IMMP2L: variants seen among roughly 807,000 people sequenced by gnomAD.
The protein encoded by IMMP2L is mitochondrial inner membrane protease subunit 2.
In IMMP2L, 18 loss-of-function variants were observed where a neutral mutation model predicts 19.3. That is an observed-to-expected ratio of 0.93 (90% CI 0.64 to 1.38). The LOEUF (loss-of-function observed/expected upper bound fraction) is 1.38, where lower values mean the gene tolerates loss of function less well. IMMP2L is among the 40% of genes most tolerant of loss of function. The pLI is 0.00. For synonymous variants in IMMP2L, 76 were observed against 73.0 expected (o/e 1.04, Z -0.21); for missense variants, 233 against 218.2 (o/e 1.07, Z -0.43).
intron 3 of IMMP2L, among the ~76,000 whole-genome samples, chr7:111,028,283 A>G (rs1406325284): frequency 1.3e-5 from 2 of 152,090 alleles, no homozygotes; most frequent in East Asian, 1.9e-4. Flanking sequence ...ATATTTTATG[A>G]GATTAAGCAC....
chr7:111,096,244 G>A (rs1797384487), intron 3 of IMMP2L, among the ~76,000 whole-genome samples: 1 of 151,780 alleles, frequency 6.6e-6, no homozygotes, highest in Admixed American at 6.6e-5. Context: ...GTTCTGTGAG[G>A]TTAGAGACTT....
At chr7:111,471,261 G>C (rs970669995) in intron 3 of IMMP2L, among the ~76,000 whole-genome samples, 2 of 152,014 alleles carry the variant, frequency 1.3e-5, no homozygotes, top group African/African-American at 4.8e-5. Context: ...CAGATGCTTG[G>C]AAATAAGAGC....
intron 5 of IMMP2L, among the ~76,000 whole-genome samples, chr7:110,777,973 T>C (rs918419499): frequency 1.3e-5 from 2 of 151,968 alleles, no homozygotes; most frequent in African/African-American, 4.8e-5. Flanking sequence ...GTGAATTCCT[T>C]TTTACTGAAA....
intron 3 of IMMP2L, among the ~76,000 whole-genome samples, chr7:111,447,406 C>A (rs1838602780): frequency 6.7e-6 from 1 of 149,860 alleles, no homozygotes; most frequent in African/African-American, 2.5e-5. Context: ...CAATATTCAA[C>A]ATTCTTAAAG....
intron 3 of IMMP2L, among the ~76,000 whole-genome samples, chr7:111,305,852 A>G (rs536619205): frequency 9.2e-5 from 14 of 152,236 alleles, no homozygotes; most frequent in Admixed American, 9.2e-4. Flanking sequence ...ATTGTTCTCT[A>G]TCTGCATTGC....
chr7:110,864,454 A>G (rs768681372), intron 5 of IMMP2L, among the ~76,000 whole-genome samples: 112 of 152,214 alleles, frequency 7.4e-4, no homozygotes, highest in Middle Eastern at 3.4e-3. Flanking sequence ...ATAGAAAAAT[A>G]TATTTATAAA....
intron 3 of IMMP2L, among the ~76,000 whole-genome samples, chr7:111,262,504 C>G (rs1043699851): frequency 6.6e-6 from 1 of 152,096 alleles, no homozygotes; most frequent in African/African-American, 2.4e-5. Flanking sequence ...GAAGAGAAGG[C>G]AGTTGACTAT....
At chr7:111,450,248 G>A (rs1475087099) in intron 3 of IMMP2L, among the ~76,000 whole-genome samples, 8 of 149,528 alleles carry the variant, frequency 5.4e-5, no homozygotes, top group African/African-American at 1.0e-4. Flanking sequence ...AGCCCGCATC[G>A]CCAGGTCAAT....
At chr7:111,142,039 C>T (rs373197397) in intron 3 of IMMP2L, among the ~76,000 whole-genome samples, 10 of 152,180 alleles carry the variant, frequency 6.6e-5, no homozygotes, top group African/African-American at 2.2e-4. Context: ...AAAATCTGAA[C>T]ACAGGGTCAG....
intron 3 of IMMP2L, among the ~76,000 whole-genome samples, chr7:111,274,863 G>C (rs1341073502): frequency 6.6e-6 from 1 of 152,094 alleles, no homozygotes; most frequent in Non-Finnish European, 1.5e-5. Flanking sequence ...TAATGATTTA[G>C]AGAATTAACA....
At chr7:111,208,751 C>T (rs979394531) in intron 3 of IMMP2L, among the ~76,000 whole-genome samples, 1 of 152,090 alleles carries the variant, frequency 6.6e-6, no homozygotes, top group African/African-American at 2.4e-5. Flanking sequence ...CTGGTGCAAT[C>T]CTTTGGGTCT....
chr7:111,282,021 A>C (rs1819938861), intron 3 of IMMP2L, among the ~76,000 whole-genome samples: 1 of 152,180 alleles, frequency 6.6e-6, no homozygotes, highest in Non-Finnish European at 1.5e-5. Flanking sequence ...CAGTATTCAA[A>C]GCTGTGTCCA....
At chr7:111,467,491 T>C (rs1840788403) in intron 3 of IMMP2L, among the ~76,000 whole-genome samples, 1 of 152,134 alleles carries the variant, frequency 6.6e-6, no homozygotes, top group South Asian at 2.1e-4. Flanking sequence ...TTAAGCATAA[T>C]ACAAGTCATT....
chr7:111,301,049 G>C (rs931337909), intron 3 of IMMP2L, among the ~76,000 whole-genome samples: 3 of 151,984 alleles, frequency 2.0e-5, no homozygotes, highest in Non-Finnish European at 2.9e-5. Context: ...GTACAATTTT[G>C]TGTATCCTAT....
intron 3 of IMMP2L, among the ~76,000 whole-genome samples, chr7:111,132,307 A>C (rs1801922985): frequency 6.6e-6 from 1 of 152,118 alleles, no homozygotes; most frequent in African/African-American, 2.4e-5. Flanking sequence ...TCACATTCCC[A>C]ATCTATAAAG....
chr7:111,016,957 AATT>A (rs1825766096), intron 3 of IMMP2L, among the ~76,000 whole-genome samples: 1 of 118,924 alleles, frequency 8.4e-6, no homozygotes, highest in South Asian at 2.3e-4. Context: ...TATGATATAT[AATT>A]ATATGTATAA....
intron 3 of IMMP2L, among the ~76,000 whole-genome samples, chr7:111,078,233 G>A (rs1431262447): frequency 6.6e-6 from 1 of 152,094 alleles, no homozygotes; most frequent in African/African-American, 2.4e-5. Flanking sequence ...TATATTTCCT[G>A]AAGGAATGAA....
chr7:111,221,672 A>G (rs914428796), intron 3 of IMMP2L, among the ~76,000 whole-genome samples: 4 of 152,016 alleles, frequency 2.6e-5, no homozygotes, highest in Non-Finnish European at 4.4e-5. Context: ...GGAAAAAAAT[A>G]TAAATACAGC....
At chr7:111,417,221 G>A (rs1229499146) in intron 3 of IMMP2L, among the ~76,000 whole-genome samples, 1 of 151,744 alleles carries the variant, frequency 6.6e-6, no homozygotes, top group East Asian at 1.9e-4. Flanking sequence ...ATGTGTCCAT[G>A]ATTATATATT....
Sources: allele counts gnomAD v4.1 joint callset (sites outside exome capture counted in the v4.1 genomes callset), GRCh38; gene constraint gnomAD v4.1.1; transcripts MANE v1.5; gene names NCBI Gene and HGNC (gene_info 2026-07-23, HGNC 2026-07-21).